SLC35F5: variants seen among roughly 807,000 people sequenced by gnomAD.
SLC35F5 encodes solute carrier family 35 member F5, also known as HCV NS5A-transactivated protein 3.
In SLC35F5, 54 loss-of-function variants were observed where a neutral mutation model predicts 68.6. The observed-to-expected ratio is 0.79, with a 90% CI of 0.63 to 0.99. The LOEUF is 0.99. Ranked by LOEUF, SLC35F5 falls within the 50% of genes least tolerant of loss-of-function variation. The pLI is 0.00. For missense variants in SLC35F5, 567 were observed against 626.9 expected (o/e 0.90, Z 1.02); for synonymous variants, 211 against 205.2 (o/e 1.03, Z -0.24).
At chr2:113,751,968 T>C (rs1676762880) in intron 3 of SLC35F5, among the ~76,000 whole-genome samples, 1 of 151,878 alleles carries the variant, frequency 6.6e-6, no homozygotes, top group South Asian at 2.1e-4. Flanking sequence ...TCCCAACACT[T>C]TGGAAGGCCA....
intron 11 of SLC35F5, among the ~76,000 whole-genome samples, chr2:113,728,968 A>G (rs911646392): frequency 1.3e-5 from 2 of 152,230 alleles, no homozygotes; most frequent in Admixed American, 1.3e-4. Flanking sequence ...ACAATTTTTA[A>G]TGTACATAAG....
intron 9 of SLC35F5, among the ~76,000 whole-genome samples, chr2:113,732,426 T>A (rs1379272515): frequency 6.7e-6 from 1 of 149,206 alleles, no homozygotes; most frequent in African/African-American, 2.5e-5. Context: ...TATTGCTAAT[T>A]AAAAAAAAAA....
rs2104959630 is a variant in SLC35F5 at position 113,714,222 on chromosome 2, ACTTTAAC to A, written c.*989_*995del. The A allele has an allele frequency of 6.6e-6, 1 of 152,282 alleles. No homozygotes were observed. The highest frequency in any genetic ancestry group is 2.1e-4 in the South Asian group (1 of 4,826). 9.4% of individuals were successfully genotyped at this position (152,282 alleles called of 1,614,324 possible). A position where few individuals can be genotyped will look rare whatever the true frequency, so the allele number is the denominator to read the frequency against. ...TCCCTTCTCGCCTTACTTACTTGGT[ACTTTAAC>A]CATTACAAATTTATTCAGGAAAACT... is the stretch of plus-strand genomic sequence containing the variant. On this transcript the variant is annotated 3_prime_UTR_variant, in exon 16 of 16. Coordinates refer to ENST00000245680, the MANE Select transcript of SLC35F5 (RefSeq NM_025181.5).
intron 11 of SLC35F5, among the ~76,000 whole-genome samples, chr2:113,727,153 A>G (rs1687694735): frequency 6.6e-6 from 1 of 152,026 alleles, no homozygotes; most frequent in Non-Finnish European, 1.5e-5. Flanking sequence ...CCCCTTCTCA[A>G]GTTCTCTCTC....
rs1457414707 is a variant in SLC35F5 at position 113,729,411 on chromosome 2, T to C, written c.1080A>G (p.Pro360=). 6.7e-7 allele frequency: 1 copy of C among 1,494,980 alleles called. No homozygotes were observed. The highest frequency in any genetic ancestry group is 9.2e-7 in the Non-Finnish European group (1 of 1,081,662). The allele number at this position is 1,494,980 out of a possible 1,614,324, so 92.6% of individuals were successfully genotyped here. Residue 360 remains proline, a synonymous_variant, in exon 11 of 16, where the codon CCA becomes CCG. Coordinates refer to ENST00000245680, the MANE Select transcript of SLC35F5 (RefSeq NM_025181.5). Reference sequence around the variant, plus strand: ...TACATATATTCTTACCAAAGAACATTGGAATATCCAACTTGTCTTCTCTAT... The same window carrying C: ...TACATATATTCTTACCAAAGAACATCGGAATATCCAACTTGTCTTCTCTAT... ...KVDREDKLDI[P]MFFGFVGLFN...
Position 113,707,142 on chromosome 2 carries a change from C to A in SLC35F5, c.*8076G>T, listed in dbSNP as rs982846815. On this transcript the variant is annotated 3_prime_UTR_variant, in exon 16 of 16. Coordinates refer to ENST00000245680, the MANE Select transcript of SLC35F5 (RefSeq NM_025181.5). ...AGGTAAAAATCTGCATTAAATTACA[C>A]CAAGAAAAACATTTCTAAAACATTG... 6.6e-6 allele frequency among the ~76,000 whole-genome samples: 1 copy of A among 151,946 alleles called. No homozygotes were observed. The highest frequency in any genetic ancestry group is 1.5e-5 in the Non-Finnish European group (1 of 67,990).
At chr2:113,718,879 AAG>A (rs1368985156) in intron 14 of SLC35F5, among the ~76,000 whole-genome samples, 1 of 49,764 alleles carries the variant, frequency 2.0e-5, no homozygotes, top group Admixed American at 1.8e-4. Context: ...GAAAGAAAGA[AAG>A]AAAGAAAGAA....
chr2:113,747,336 G>A (rs72946634), intron 4 of SLC35F5, among the ~76,000 whole-genome samples: 223 of 150,728 alleles, frequency 1.5e-3, no homozygotes, highest in African/African-American at 4.1e-3. Flanking sequence ...CACACTTTAA[G>A]AATCACTGCG....
At chr2:113,741,904 A>T (rs1676291707) in intron 7 of SLC35F5, 1 of 152,176 alleles carries the variant, frequency 6.6e-6, no homozygotes. Context: ...AAAATTTTAT[A>T]ATCAGGCTAA....
chr2:113,723,192 C>T lies in SLC35F5; in HGVS notation c.1253G>A (p.Gly418Asp), dbSNP rs768064286. 1 of 1,565,948 alleles carries T rather than the reference C, an allele frequency of 6.4e-7. No homozygotes were observed. Among genetic ancestry groups the T allele is most frequent in the South Asian group, 1.3e-5 (1 of 79,954 alleles). Reference sequence around the variant, plus strand: ...TATCAATGATGAGGTAAGAAAGCAGCCCCTAAAAAAAAGAAAATATACATT... The same window carrying T: ...TATCAATGATGAGGTAAGAAAGCAGTCCCTAAAAAAAAGAAAATATACATT... ...TVLSEFLWLW[G>D]CFLTSSLIGT... The change falls in exon 13 of 16, where the codon GGC (glycine) becomes GAC (aspartate). Residue 418 changes from glycine to aspartate, a missense_variant and splice_region_variant. Gly to Asp is a moderately conservative substitution (Grantham distance 94). Coordinates refer to ENST00000245680, the MANE Select transcript of SLC35F5 (RefSeq NM_025181.5).
chr2:113,703,519 G>C (rs1339638061), downstream of SLC35F5, among the ~76,000 whole-genome samples: 2 of 152,154 alleles, frequency 1.3e-5, no homozygotes, highest in African/African-American at 2.4e-5. Context: ...CTTATTCTCA[G>C]TGACTAGCAG....
intron 12 of SLC35F5, among the ~76,000 whole-genome samples, 175 bp from the exon 13 acceptor site, chr2:113,723,369 C>T (rs1371840152): frequency 6.6e-6 from 1 of 151,738 alleles, no homozygotes; most frequent in Non-Finnish European, 1.5e-5. Context: ...CTCAGTTTTT[C>T]TTCAAATATT....
At chr2:113,755,816 T>C (rs1011904562) in intron 1 of SLC35F5, 2 of 1,535,092 alleles carry the variant, frequency 1.3e-6, no homozygotes, top group Non-Finnish European at 8.8e-7. Flanking sequence ...TACCAGAAAA[T>C]AGCTTCTCTG....
At position 113,712,323 on chromosome 2, in the gene SLC35F5, C is replaced by CT. The variant is rs71969221; in HGVS notation, c.*2894dup. Among the ~76,000 whole-genome samples, 245 of 148,234 alleles carry CT rather than the reference C, an allele frequency of 1.7e-3. 2 individuals are homozygous for CT. The highest frequency in any genetic ancestry group is 4.0e-3 in the African/African-American group (161 of 40,604). The stretch of plus-strand genomic sequence containing the variant: ...AAAGCATTCATTTCAAAAGTATTCA[C>CT]TTTTTTTTTTTTTGAGACGGAGTCT... On this transcript the variant is annotated 3_prime_UTR_variant, in exon 16 of 16. Transcript: ENST00000245680.
chr2:113,718,905 GAAA>G lies in SLC35F5; in HGVS notation c.1496+246_1496+248del, dbSNP rs1559317936. On this transcript the variant is annotated intron_variant, in intron 14 of 15. Coordinates refer to ENST00000245680, the MANE Select transcript of SLC35F5 (RefSeq NM_025181.5). ...AGAAAGAAAGAAAGAAAGAAAGAAAGAAAGAAAGAAAGAAAGAAAGAAAAAGAA... is the reference window on the plus strand; with the variant it reads ...AGAAAGAAAGAAAGAAAGAAAGAAAGGAAAGAAAGAAAGAAAGAAAAAGAA... 9.3e-4 allele frequency among the ~76,000 whole-genome samples: 104 copies of G among 111,282 alleles called. 1 individual carries two copies. Among genetic ancestry groups the G allele is most frequent in the Middle Eastern group, 5.4e-3 (1 of 186 alleles). 73.0% of individuals were successfully genotyped at this position (111,282 alleles called of 152,430 possible).
At chr2:113,755,368 G>A (rs1003044791) in intron 2 of SLC35F5, 62 bp from the exon 3 acceptor site, 2 of 1,604,994 alleles carry the variant, frequency 1.2e-6, no homozygotes, top group African/African-American at 1.3e-5. Flanking sequence ...CATTAAAAAT[G>A]AGAACATTAG....
At chr2:113,716,137 A>C (rs1687170996) in intron 15 of SLC35F5, among the ~76,000 whole-genome samples, 1 of 152,176 alleles carries the variant, frequency 6.6e-6, no homozygotes, top group Admixed American at 6.5e-5. Flanking sequence ...AAGTAGAGAG[A>C]TGAGAAAATA....
rs116772356 is a variant in SLC35F5 at position 113,755,808 on chromosome 2, C to A, written c.41-264G>T. On this transcript the variant is annotated intron_variant, in intron 1 of 15. Coordinates refer to ENST00000245680, the MANE Select transcript of SLC35F5 (RefSeq NM_025181.5). ...CGGCACATTTAAGAACAGTTAACTA[C>A]CAGAAAATAGCTTCTCTGAGTTTCA... The A allele has an allele frequency of 4.6e-4, 696 of 1,523,650 alleles. 6 individuals carry two copies. The African/African-American group carries it at 8.4e-3, about 18-fold the overall frequency. The allele number at this position is 1,523,650 out of a possible 1,614,324, so 94.4% of individuals were successfully genotyped here. A position where few individuals can be genotyped will look rare whatever the true frequency, so the allele number is the denominator to read the frequency against.
rs947276519 is a variant in SLC35F5, at chr2:113,749,541, TAAGAC to T, written c.417+879_417+883del. ...TTTTAAAAAGGATGTACTTATTAGA[TAAGAC>T]AAGAAACAATACTATTTTAACCCAC... On this transcript the variant is annotated intron_variant, in intron 4 of 15. Transcript: ENST00000245680. 4.3e-4 allele frequency among the ~76,000 whole-genome samples: 66 copies of T among 152,128 alleles called. 1 individual carries two copies. The highest frequency in any genetic ancestry group is 1.6e-3 in the African/African-American group (65 of 41,486).
Sources: gnomAD v4.1 joint callset for allele counts (sites outside exome capture counted in the v4.1 genomes callset) on GRCh38, gnomAD v4.1.1 for gene constraint, MANE v1.5 for transcripts, NCBI Gene and HGNC (gene_info 2026-07-23, HGNC 2026-07-21) for gene names.